The following CCDC38 variants were observed in gnomAD, a reference collection of about 807,000 sequenced individuals.
CCDC38 encodes the protein coiled-coil domain-containing protein 38.
In CCDC38, 69 loss-of-function variants were observed where a neutral mutation model predicts 72.8. The observed-to-expected ratio is 0.95, with a 90% CI of 0.78 to 1.16. The LOEUF (loss-of-function observed/expected upper bound fraction) is 1.16, where lower values mean the gene tolerates loss of function less well. Among genes scored for constraint, CCDC38 ranks in the 50% most tolerant of loss-of-function variants. The pLI is 0.00. For synonymous variants in CCDC38, 201 were observed against 213.2 expected (o/e 0.94, Z 0.50); for missense variants, 626 against 638.9 (o/e 0.98, Z 0.22).
At chr12:95,907,925 C>T (rs1430554454) in intron 4 of CCDC38, among the ~76,000 whole-genome samples, 1 of 150,396 alleles carries the variant, frequency 6.6e-6, no homozygotes, top group Non-Finnish European at 1.5e-5. Flanking sequence ...GATGGGATGG[C>T]GGCTGGGCAG....
In CCDC38 at chr12:95,879,878, G is replaced by A. The variant is rs113340888; in HGVS notation, c.991-83C>T. On this transcript the variant is annotated intron_variant, in intron 11 of 15. Transcript: ENST00000344280. The surrounding 1 kb of genome is among the most constrained non-coding windows in gnomAD (Gnocchi z 5.5). ...GTGACTTATCTAGAAAATACAGTGGGGTAAAGGAAGACAGTTCTAAGGATG... is the reference window on the plus strand; with the variant it reads ...GTGACTTATCTAGAAAATACAGTGGAGTAAAGGAAGACAGTTCTAAGGATG... 75 of 1,046,208 alleles carry A rather than the reference G, an allele frequency of 7.2e-5. 1 individual carries two copies. In the Middle Eastern group the frequency reaches 7.9e-4, roughly 11 times the overall value. 64.8% of individuals were successfully genotyped at this position (1,046,208 alleles called of 1,614,324 possible).
intron 5 of CCDC38, among the ~76,000 whole-genome samples, chr12:95,905,185 T>G (rs187004316): frequency 1.3e-5 from 2 of 152,370 alleles, no homozygotes; most frequent in East Asian, 3.9e-4. Context: ...TGTTATTTTT[T>G]ATCATTTTTT....
chr12:95,923,991 T>C (rs7953320), intron 2 of CCDC38, among the ~76,000 whole-genome samples: 44,192 of 106,024 alleles, frequency 0.42, 6,009 homozygotes, highest in East Asian at 0.61. Flanking sequence ...TGAATAGTGC[T>C]GCAATAAACA....
chr12:95,878,772 G>T lies in CCDC38; in HGVS notation c.1143-426C>A, dbSNP rs117118919. On this transcript the variant is annotated intron_variant, in intron 12 of 15. Transcript: ENST00000344280. ...TAGATTCTATATATCCCCCTTTCCT[G>T]CCTACCTGCACCCACCCTGTCCCAG... Among the ~76,000 whole-genome samples, 1,117 of 152,166 alleles carry T rather than the reference G, an allele frequency of 7.3e-3. 11 individuals carry two copies. Among genetic ancestry groups the T allele is most frequent in the Non-Finnish European group, 0.012 (834 of 68,004 alleles).
At chr12:95,890,584 T>A (rs2079813564) in intron 9 of CCDC38, among the ~76,000 whole-genome samples, 1 of 152,192 alleles carries the variant, frequency 6.6e-6, no homozygotes, top group Admixed American at 6.5e-5. Context: ...CTTCAGGACA[T>A]GTGCTGGCCA....
rs1403748279 is a variant in CCDC38 at position 95,898,556 on chromosome 12, G to C, written c.533+12C>G. 6.2e-7 allele frequency: 1 copy of C among 1,614,000 alleles called. No homozygotes were observed. Among genetic ancestry groups the C allele is most frequent in the South Asian group, 1.1e-5 (1 of 91,080 alleles). ...GAGGTGGGAAGGATTTGGCCAGAGT[G>C]ATGAAACAAACATTTTCAGAGCGTC... is the stretch of plus-strand genomic sequence containing the variant. On this transcript the variant is annotated intron_variant, in intron 6 of 15. Coordinates refer to ENST00000344280, the MANE Select transcript of CCDC38 (RefSeq NM_182496.3).
chr12:95,874,972 G>C (rs1731496714), intron 13 of CCDC38, among the ~76,000 whole-genome samples: 1 of 152,136 alleles, frequency 6.6e-6, no homozygotes, highest in African/African-American at 2.4e-5. Flanking sequence ...CTTGTGCAAA[G>C]AAAACAATAA....
At chr12:95,930,052 T>C (rs1167483511) in intron 2 of CCDC38, among the ~76,000 whole-genome samples, 2 of 152,178 alleles carry the variant, frequency 1.3e-5, no homozygotes, top group African/African-American at 4.8e-5. Flanking sequence ...ATCCTTATCT[T>C]AATTACATTT....
At position 95,872,359 on chromosome 12, in the gene CCDC38, T is replaced by C. The variant is rs1156534700; in HGVS notation, c.1380A>G (p.Val460=). ...GTTCTACCAGGCGAGATTCTACTTT[T>C]ACCAGCTTTTGAATTGGGTTGAGGC... ...DDGLNPIQKL[V]KVESRLVELC... The change falls in exon 14 of 16, where the codon GTA becomes GTG. Residue 460 remains valine (V), a synonymous_variant. Coordinates refer to ENST00000344280, the MANE Select transcript of CCDC38 (RefSeq NM_182496.3). 7 of 1,614,220 alleles carry C rather than the reference T, an allele frequency of 4.3e-6. No homozygotes were observed. The highest frequency in any genetic ancestry group is 5.9e-6 in the Non-Finnish European group (7 of 1,180,038).
chr12:95,905,922 A>C lies in CCDC38; in HGVS notation c.369+465T>G, dbSNP rs562520364. ...ATAAGGGACCTGGCACACTGTTCTG[A>C]CATGAATAGGTATCAAGGAAGCTGG... On this transcript the variant is annotated intron_variant, in intron 5 of 15. Transcript: ENST00000344280. Among the ~76,000 whole-genome samples, 29 of 152,310 alleles carry C rather than the reference A, an allele frequency of 1.9e-4. No homozygotes were observed. In the South Asian group the frequency reaches 5.6e-3, roughly 29 times the overall value.
chr12:95,899,326 C>T (rs1257744979), intron 5 of CCDC38, among the ~76,000 whole-genome samples: 1 of 152,296 alleles, frequency 6.6e-6, no homozygotes, highest in South Asian at 2.1e-4. Flanking sequence ...GAGACAAGGT[C>T]TTGCTCTGTC....
chr12:95,883,452 G>C (rs1325774629), intron 10 of CCDC38, among the ~76,000 whole-genome samples: 2 of 152,054 alleles, frequency 1.3e-5, no homozygotes, highest in African/African-American at 4.8e-5. Flanking sequence ...ATTCTGAACA[G>C]AGCCAAGCTC....
upstream of CCDC38, chr12:95,942,905 C>G: frequency 6.5e-6 from 1 of 153,094 alleles, no homozygotes; most frequent in East Asian, 2.0e-4. Context: ...TCTCCAGGAG[C>G]GCTATCTCCA....
chr12:95,916,420 T>TTCCTTCCTTCCTTC (rs1565961062), intron 4 of CCDC38, among the ~76,000 whole-genome samples: 29 of 126,098 alleles, frequency 2.3e-4, no homozygotes, highest in East Asian at 6.4e-4. Context: ...TTCCTTCCTT[T>TTCCTTCCTTCCTTC]TTTCCCTTCT....
chr12:95,931,298 T>C (rs73231451), intron 2 of CCDC38, among the ~76,000 whole-genome samples: 107 of 152,340 alleles, frequency 7.0e-4, no homozygotes, highest in Non-Finnish European at 1.4e-3. Flanking sequence ...TCACATCACC[T>C]TCTCGGTCTT....
intron 4 of CCDC38, among the ~76,000 whole-genome samples, chr12:95,908,324 TGGCGGCGCGCGCCTGCAATCGCAGGC>T (rs2136706064): frequency 1.3e-5 from 2 of 149,784 alleles, no homozygotes; most frequent in South Asian, 4.3e-4. Context: ...CAGTCAGGCG[TGGCGGCGCGCGCCTGCAATCGCAGGC>T]ACTCGGCAGG....
Position 95,931,347 on chromosome 12 carries a change from C to G in CCDC38, c.37+5126G>C, listed in dbSNP as rs567188125. Among the ~76,000 whole-genome samples, 6 of 152,344 alleles carry G rather than the reference C, an allele frequency of 3.9e-5. No homozygotes were observed. The East Asian group carries it at 1.2e-3, about 29-fold the overall frequency. ...TCTTGGATTATATTAGGCCCATTGG[C>G]TAATCCAGGATAACCTTCCCATATC... is the stretch of plus-strand genomic sequence containing the variant. On this transcript the variant is annotated intron_variant, in intron 2 of 15. Coordinates refer to ENST00000344280, the MANE Select transcript of CCDC38 (RefSeq NM_182496.3).
chr12:95,933,869 T>C (rs2136742720), intron 2 of CCDC38: 1 of 152,266 alleles, frequency 6.6e-6, no homozygotes, highest in South Asian at 2.1e-4. Context: ...CATACAACAG[T>C]ATGAATGAAT....
At chr12:95,876,785 G>T (rs17370432) in intron 13 of CCDC38, among the ~76,000 whole-genome samples, 32,474 of 152,018 alleles carry the variant, frequency 0.21, 4,257 homozygotes, top group Non-Finnish European at 0.3. Flanking sequence ...TTCTGATGCA[G>T]TTCTCCCAGT....
Sources: gnomAD v4.1 joint callset for allele counts (sites outside exome capture counted in the v4.1 genomes callset) on GRCh38, gnomAD v4.1.1 for gene constraint, Gnocchi (gnomAD v3.1) non-coding constraint, MANE v1.5 for transcripts, NCBI Gene and HGNC (gene_info 2026-07-23, HGNC 2026-07-21) for gene names.